WWC2: variants seen among roughly 807,000 people sequenced by gnomAD.
The protein encoded by WWC2 is WW and C2 domain containing 2, also known as protein WWC2.
In WWC2, 101 loss-of-function variants were observed where a neutral mutation model predicts 138.5. The ratio of observed to expected loss-of-function variants is 0.73; its 90% CI spans 0.62 to 0.86. WWC2 has a LOEUF of 0.86. Among genes scored for constraint, WWC2 ranks in the 40% least tolerant of loss-of-function variants. The pLI is 0.00. For missense variants in WWC2, 1,420 were observed against 1,419.4 expected (o/e 1.00, Z -0.01); for synonymous variants, 558 against 538.4 (o/e 1.04, Z -0.50).
At chr4:183,178,077 C>A (rs1734516081) in intron 1 of WWC2, among the ~76,000 whole-genome samples, 2 of 152,170 alleles carry the variant, frequency 1.3e-5, no homozygotes, top group African/African-American at 4.8e-5. Flanking sequence ...CACAGAAATG[C>A]ATTGATCATG....
intron 1 of WWC2, among the ~76,000 whole-genome samples, chr4:183,140,713 T>C (rs1244393263): frequency 6.6e-6 from 1 of 152,210 alleles, no homozygotes; most frequent in Non-Finnish European, 1.5e-5. Context: ...TAATAAGACC[T>C]TGGAAGAACA....
intron 2 of WWC2, among the ~76,000 whole-genome samples, chr4:183,196,984 G>T (rs1156230109): frequency 6.6e-6 from 1 of 152,144 alleles, no homozygotes; most frequent in East Asian, 1.9e-4. Context: ...ACTAAATTGT[G>T]AGCTTCTTAA....
chr4:183,143,811 T>A (rs1207419761), intron 1 of WWC2, among the ~76,000 whole-genome samples: 2 of 150,146 alleles, frequency 1.3e-5, no homozygotes, highest in East Asian at 2.0e-4. Context: ...CTGTCTCACC[T>A]CCTCCCCGCA....
chr4:183,313,305 C>T (rs1233991404), intron 22 of WWC2, among the ~76,000 whole-genome samples: 2 of 152,148 alleles, frequency 1.3e-5, no homozygotes, highest in Non-Finnish European at 2.9e-5. Flanking sequence ...GCAGGGCTCT[C>T]CGTGCACAAA....
intron 4 of WWC2, among the ~76,000 whole-genome samples, chr4:183,218,481 T>C (rs1339800104): frequency 2.0e-5 from 3 of 152,230 alleles, no homozygotes; most frequent in Non-Finnish European, 4.4e-5. Flanking sequence ...TAAATTTAAC[T>C]TTTTGATATA....
chr4:183,139,748 G>A (rs1248113515), intron 1 of WWC2, among the ~76,000 whole-genome samples: 3 of 152,110 alleles, frequency 2.0e-5, no homozygotes, highest in African/African-American at 4.8e-5. Context: ...CACCCGTGCC[G>A]CCCTACCCCC....
In WWC2 at chr4:183,172,562, T is replaced by G. The variant is rs1348449367; in HGVS notation, c.132-21037T>G. Among the ~76,000 whole-genome samples the G allele has an allele frequency of 6.0e-5, 9 of 149,762 alleles. No individual in the cohort carries two copies. The South Asian group carries it at 6.3e-4, about 10-fold the overall frequency. Reference sequence around the variant, plus strand: ...TGATGCTTTTATGTTTCTTGTTTTTTTTTTTTTTTTTTGTTATTGTTATTT... The same window carrying G: ...TGATGCTTTTATGTTTCTTGTTTTTGTTTTTTTTTTTTGTTATTGTTATTT... On this transcript the variant is annotated intron_variant, in intron 1 of 22. Coordinates refer to ENST00000403733, the MANE Select transcript of WWC2 (RefSeq NM_024949.6).
Position 183,140,872 on chromosome 4 carries a change from C to G in WWC2, c.131+41250C>G, listed in dbSNP as rs548193138. Among the ~76,000 whole-genome samples, 14 of 150,880 alleles carry G rather than the reference C, an allele frequency of 9.3e-5. 1 individual carries two copies. Among genetic ancestry groups the G allele is most frequent in the Non-Finnish European group, 2.1e-4 (14 of 68,044 alleles). On this transcript the variant is annotated intron_variant, in intron 1 of 22. Coordinates refer to ENST00000403733, the MANE Select transcript of WWC2 (RefSeq NM_024949.6). ...AGCATAGACTCTAGAGTGAGACTGC[C>G]TGATTTCCACCAATCTGCTTAATAA...
chr4:183,240,252 A>C lies in WWC2; in HGVS notation c.592A>C (p.Thr198Pro). 6.4e-7 allele frequency: 1 copy of C among 1,551,726 alleles called. No homozygotes were observed. The highest frequency in any genetic ancestry group is 8.7e-7 in the Non-Finnish European group (1 of 1,147,400). The part of the protein sequence containing the change: ...ELLYKEQGFE[T>P]LQQIDKKMSG... ...GCTCTATAAAGAACAAGGCTTTGAA[A>C]CATTGCAGCAGTGAGTATGAAAAGA... is the stretch of plus-strand genomic sequence containing the variant. Residue 198 changes from threonine (T) to proline (P), a missense_variant, in exon 5 of 23, where the codon ACA (threonine) becomes CCA (proline). By Grantham distance (38) the Thr-to-Pro change is conservative. Coordinates refer to ENST00000403733, the MANE Select transcript of WWC2 (RefSeq NM_024949.6).
At chr4:183,278,853 G>T (rs1055797841) in intron 16 of WWC2, among the ~76,000 whole-genome samples, 26 of 151,226 alleles carry the variant, frequency 1.7e-4, no homozygotes, top group Non-Finnish European at 3.1e-4. Flanking sequence ...TGCTGAAGTT[G>T]CTTATCAGCT....
chr4:183,145,363 G>A (rs1733423774), intron 1 of WWC2, among the ~76,000 whole-genome samples: 1 of 152,116 alleles, frequency 6.6e-6, no homozygotes. Flanking sequence ...TTGTTAAAAA[G>A]ATGATAGAAC....
intron 14 of WWC2, among the ~76,000 whole-genome samples, chr4:183,267,046 T>A (rs1048998862): frequency 2.0e-5 from 3 of 151,394 alleles, no homozygotes; most frequent in African/African-American, 2.4e-5. Context: ...TTTTTTTTTT[T>A]AAGAGATGGG....
chr4:183,164,159 T>A (rs1457795629), intron 1 of WWC2, among the ~76,000 whole-genome samples: 2 of 151,138 alleles, frequency 1.3e-5, no homozygotes, highest in Non-Finnish European at 2.9e-5. Flanking sequence ...CTGCTCTAAT[T>A]TCATTTAGTA....
In WWC2 at chr4:183,261,212, C is replaced by T. The variant is rs781480525; in HGVS notation, c.1589C>T (p.Thr530Ile). 1.9e-6 allele frequency: 3 copies of T among 1,612,386 alleles called. No homozygotes were observed. Among genetic ancestry groups the T allele is most frequent in the African/African-American group, 1.3e-5 (1 of 75,036 alleles). Residue 530 changes from threonine (T) to isoleucine (I), a missense_variant, in exon 11 of 23, where the codon ACA becomes ATA. Thr to Ile is a moderately conservative substitution (Grantham distance 89, BLOSUM62 -1). Coordinates refer to ENST00000403733, the MANE Select transcript of WWC2 (RefSeq NM_024949.6). ...SGLCGVAAAA[T>I]GHTPPLAEAP... ...CTCTGTGGAGTGGCAGCTGCAGCAA[C>T]AGGCCACACTCCTCCACTGGCTGAG...
At chr4:183,219,088 C>T (rs1252837736) in intron 4 of WWC2, among the ~76,000 whole-genome samples, 1 of 152,092 alleles carries the variant, frequency 6.6e-6, no homozygotes, top group African/African-American at 2.4e-5. Flanking sequence ...ATAAGCCAGA[C>T]ACAAAAGAAC....
chr4:183,289,484 C>G lies in WWC2; in HGVS notation c.3233C>G (p.Thr1078Ser). The G allele has an allele frequency of 6.2e-7, 1 of 1,613,696 alleles. No individual in the cohort carries two copies. Among genetic ancestry groups the G allele is most frequent in the Non-Finnish European group, 8.5e-7 (1 of 1,179,764 alleles). Residue 1078 changes from threonine to serine, a missense_variant, in exon 21 of 23, where the codon ACC becomes AGC. By Grantham distance (58) the Thr-to-Ser change is moderately conservative. Transcript: ENST00000403733. ...GAACTGGACCTTCAGGCATCTCTGA[C>G]CCGGCAGAGCCGCCTCAATGATGAG... ...DLELDLQASLTRQSRLNDELQ... is the reference protein window; with the variant it reads ...DLELDLQASLSRQSRLNDELQ...
chr4:183,179,309 C>T (rs13101673), intron 1 of WWC2, among the ~76,000 whole-genome samples: 150,537 of 152,246 alleles, frequency 0.99, 74,448 homozygotes, highest in Middle Eastern at 1. Context: ...TATTTTAATA[C>T]TTTACAAGGA....
At chr4:183,132,507 G>A (rs879417210) in intron 1 of WWC2, among the ~76,000 whole-genome samples, 2 of 150,614 alleles carry the variant, frequency 1.3e-5, no homozygotes, top group African/African-American at 2.4e-5. Context: ...AGGCTGGAGT[G>A]CTGTGGCGCG....
At position 183,099,761 on chromosome 4, in the gene WWC2, C is replaced by T. The variant is rs1045090757; in HGVS notation, c.131+139C>T. ...CGGGAGGGATGTGGGGCTGGCTGCT[C>T]CGGCGGGGCCGAGGAGCCGCCCGTA... On this transcript the variant is annotated intron_variant, in intron 1 of 22. Transcript: ENST00000403733. The T allele has an allele frequency of 1.2e-5, 11 of 926,358 alleles. No individual in the cohort carries two copies. In the East Asian group the frequency reaches 2.3e-4, roughly 19 times the overall value. 57.4% of individuals were successfully genotyped at this position (926,358 alleles called of 1,614,324 possible). A position where few individuals can be genotyped will look rare whatever the true frequency, so the allele number is the denominator to read the frequency against.
Sources: gnomAD v4.1 joint callset for allele counts (sites outside exome capture counted in the v4.1 genomes callset) on GRCh38, gnomAD v4.1.1 for gene constraint, MANE v1.5 for transcripts, NCBI Gene and HGNC (gene_info 2026-07-23, HGNC 2026-07-21) for gene names.